Variants in LIMK2 observed in about 807,000 individuals in gnomAD.
LIMK2 encodes the protein LIM domain kinase 2.
A neutral mutation model predicts 75.7 loss-of-function variants in LIMK2; 35 were observed. The ratio of observed to expected loss-of-function variants is 0.46; its 90% confidence interval spans 0.35 to 0.61. The LOEUF (loss-of-function observed/expected upper bound fraction) is 0.61, where lower values mean the gene tolerates loss of function less well. Ranked by LOEUF, LIMK2 falls within the 20% of genes least tolerant of loss-of-function variation. The probability of loss-of-function intolerance (pLI) is 0.00; values close to 1 mark genes in which losing one functional copy is unlikely to be tolerated. For synonymous variants in LIMK2, 301 were observed against 319.2 expected (o/e 0.94, Z 0.61); for missense variants, 623 against 831.0 (o/e 0.75, Z 3.08).
chr22:31,255,110 G>T (rs1355787103), intron 2 of LIMK2, among the ~76,000 whole-genome samples: 2 of 152,098 alleles, frequency 1.3e-5, no homozygotes, highest in African/African-American at 4.8e-5. Flanking sequence ...GATCATCTAG[G>T]GAAAAACACA....
chr22:31,222,611 G>A (rs1985725), intron 1 of LIMK2: 120,102 of 151,806 alleles, frequency 0.79, 48,455 homozygotes, highest in African/African-American at 0.95. Flanking sequence ...CTGACCTCAA[G>A]TGATCCACCC....
chr22:31,250,566 C>CT (rs34550806), intron 2 of LIMK2, among the ~76,000 whole-genome samples: 13,058 of 152,156 alleles, frequency 0.086, 852 homozygotes, highest in East Asian at 0.4. Flanking sequence ...GACTGACTTT[C>CT]GTAGACATTC....
At chr22:31,276,663 C>G in intron 15 of LIMK2, 1 of 1,031,066 alleles carries the variant, frequency 9.7e-7, no homozygotes, top group Non-Finnish European at 1.2e-6. Flanking sequence ...AGGGGCCCCA[C>G]GCGCGCACGT....
At chr22:31,277,172 A>G (rs369535285) in intron 15 of LIMK2, 21 of 1,612,690 alleles carry the variant, frequency 1.3e-5, no homozygotes, top group African/African-American at 5.3e-5. Flanking sequence ...GGTGGCTCCC[A>G]TAGGACAATC....
intron 2 of LIMK2, among the ~76,000 whole-genome samples, chr22:31,238,668 C>T (rs571214479): frequency 3.3e-5 from 5 of 152,248 alleles, no homozygotes; most frequent in South Asian, 2.1e-4. Context: ...CCTCCTTCCT[C>T]GTTGCTTCTT....
intron 1 of LIMK2, among the ~76,000 whole-genome samples, chr22:31,223,921 G>A (rs2048457719): frequency 6.6e-6 from 1 of 152,204 alleles, no homozygotes; most frequent in South Asian, 2.1e-4. Context: ...GGGAACGAGG[G>A]GGACAACTGT....
At chr22:31,214,857 G>A (rs551406125) in intron 1 of LIMK2, among the ~76,000 whole-genome samples, 3 of 152,166 alleles carry the variant, frequency 2.0e-5, no homozygotes, top group African/African-American at 4.8e-5. Context: ...GTACAGTGGC[G>A]CGATCCAGAC....
intron 11 of LIMK2, among the ~76,000 whole-genome samples, chr22:31,269,989 C>T (rs892789928): frequency 6.0e-5 from 9 of 150,834 alleles, no homozygotes; most frequent in South Asian, 2.1e-4. Context: ...GGAGGAGTTA[C>T]GAGTGGCTTG....
At chr22:31,275,390 A>T in intron 15 of LIMK2, 82 bp downstream of exon 15, 2 of 1,408,562 alleles carry the variant, frequency 1.4e-6, no homozygotes, top group Non-Finnish European at 2.0e-6. Flanking sequence ...AGCCCTCTGC[A>T]AGCACAGGGG....
intron 15 of LIMK2, chr22:31,275,543 A>G: frequency 2.0e-6 from 1 of 509,162 alleles, no homozygotes; most frequent in Non-Finnish European, 3.5e-6. Context: ...ATTAAAAGAA[A>G]GTTTAAAAGA....
intron 2 of LIMK2, among the ~76,000 whole-genome samples, chr22:31,239,839 A>C (rs544685949): frequency 1.3e-5 from 2 of 152,168 alleles, no homozygotes; most frequent in Non-Finnish European, 2.9e-5. Context: ...CTCTTTGGAC[A>C]CTTGAATAAA....
In LIMK2 at chr22:31,265,191, CAAAAAAA is replaced by C. The variant is rs35356989; in HGVS notation, c.855-736_855-730del. Among the ~76,000 whole-genome samples the C allele has an allele frequency of 1.6e-3, 55 of 34,496 alleles. No individual in the cohort carries two copies. In the South Asian group the frequency reaches 0.024, roughly 15 times the overall value. The allele number at this position is 34,496 out of a possible 152,430, so 22.6% of individuals were successfully genotyped here. A position where few individuals can be genotyped will look rare whatever the true frequency, so the allele number is the denominator to read the frequency against. ...CCTGGGCGACAGAGTGAGACTCCATCAAAAAAAAAAAAAAAAAAAAAAAAATTAGCCG... is the reference window on the plus strand; with the variant it reads ...CCTGGGCGACAGAGTGAGACTCCATCAAAAAAAAAAAAAAAAAATTAGCCG... On this transcript the variant is annotated intron_variant, in intron 7 of 15. Transcript: ENST00000331728.
intron 12 of LIMK2, among the ~76,000 whole-genome samples, chr22:31,272,035 A>G (rs1327874641): frequency 6.6e-6 from 1 of 151,944 alleles, no homozygotes; most frequent in Non-Finnish European, 1.5e-5. Context: ...AGAAACACAA[A>G]TGCCAAGTGT....
chr22:31,267,992 A>G, intron 10 of LIMK2, 85 bp downstream of exon 10: 2 of 1,561,376 alleles, frequency 1.3e-6, no homozygotes, highest in Admixed American at 1.7e-5. Context: ...CTTAAAGGGC[A>G]GAGGGGCCCT....
At chr22:31,222,151 A>G (rs1601399279) in intron 1 of LIMK2, among the ~76,000 whole-genome samples, 3 of 150,832 alleles carry the variant, frequency 2.0e-5, no homozygotes, top group Admixed American at 6.6e-5. Flanking sequence ...GCTCACTGCA[A>G]CCTCTGCCTC....
intron 2 of LIMK2, among the ~76,000 whole-genome samples, chr22:31,255,852 T>A (rs2048772763): frequency 6.6e-6 from 1 of 152,106 alleles, no homozygotes; most frequent in African/African-American, 2.4e-5. Context: ...TTATTTTCAA[T>A]GAGAGAAAGC....
At chr22:31,216,863 A>C (rs2048393098) in intron 1 of LIMK2, among the ~76,000 whole-genome samples, 1 of 152,140 alleles carries the variant, frequency 6.6e-6, no homozygotes, top group Non-Finnish European at 1.5e-5. Context: ...TTTCAATGAG[A>C]GGACCTGAAA....
chr22:31,272,586 G>A lies in LIMK2; in HGVS notation c.1440G>A (p.Arg480=). The change falls in exon 13 of 16, where the codon AGG becomes AGA. Residue 480 remains arginine (R), a synonymous_variant. Transcript: ENST00000331728. ...TGTCACGGCTCATAGTGGAAGAGAG[G>A]AAAAGGGCCCCCATGGAGAAGGCCA... ...FGLSRLIVEE[R]KRAPMEKATT... is the part of the protein sequence containing the mutation. The A allele has an allele frequency of 6.2e-7, 1 of 1,613,986 alleles. No individual in the cohort carries two copies. The highest frequency in any genetic ancestry group is 8.5e-7 in the Non-Finnish European group (1 of 1,179,968).
chr22:31,278,255 C>T (rs1029131581), intron 15 of LIMK2, 42 bp from the exon 16 acceptor site: 8 of 1,574,234 alleles, frequency 5.1e-6, no homozygotes, highest in Non-Finnish European at 6.1e-6. Flanking sequence ...CATGGCCCTG[C>T]TCATGTTCCA....
Sources: gnomAD v4.1 joint callset for allele counts (sites outside exome capture counted in the v4.1 genomes callset) on GRCh38, gnomAD v4.1.1 for gene constraint, MANE v1.5 for transcripts, NCBI Gene and HGNC (gene_info 2026-07-23, HGNC 2026-07-21) for gene names.